PCDHA5: variants seen among roughly 807,000 people sequenced by gnomAD.
PCDHA5 encodes protocadherin alpha-5.
A neutral mutation model predicts 61.6 loss-of-function variants in PCDHA5; 43 were observed. The ratio of observed to expected loss-of-function variants is 0.70; its 90% CI spans 0.55 to 0.90. The LOEUF (loss-of-function observed/expected upper bound fraction) is 0.90. Ranked by LOEUF, PCDHA5 falls within the 40% of genes least tolerant of loss-of-function variation. The pLI is 0.00. For missense variants in PCDHA5, 1,298 were observed against 1,222.7 expected (o/e 1.06, Z -0.92); for synonymous variants, 627 against 543.9 (o/e 1.15, Z -2.13).
intron 1 of PCDHA5, among the ~76,000 whole-genome samples, chr5:140,855,328 G>C (rs1554147750): frequency 6.7e-6 from 1 of 149,766 alleles, no homozygotes; most frequent in East Asian, 1.9e-4. Context: ...GGAGGGAGAG[G>C]TTAAACGATT....
In PCDHA5 at chr5:141,010,089, G is replaced by A. The variant is rs1588251277; in HGVS notation, c.*152G>A. 3.7e-6 allele frequency: 6 copies of A among 1,612,294 alleles called. No individual in the cohort carries two copies. The highest frequency in any genetic ancestry group is 5.1e-6 in the Non-Finnish European group (6 of 1,179,138). ...AAAGTTCCCTGTGTCTGTCTAGAAC[G>A]CATTTAACAGGTTTTGTCGTAAAAG... On this transcript the variant is annotated 3_prime_UTR_variant, in exon 4 of 4. Transcript: ENST00000529859.
chr5:140,835,553 GC>G (rs1562346657), intron 1 of PCDHA5: 4 of 1,613,754 alleles, frequency 2.5e-6, no homozygotes, highest in Non-Finnish European at 3.4e-6. Flanking sequence ...GCTCCCTGAC[GC>G]CCCGCGTTCC....
rs1325743256 is a variant in PCDHA5 at position 140,849,105 on chromosome 5, G to T, written c.2352+24978G>T. 6 of 1,455,392 alleles carry T rather than the reference G, an allele frequency of 4.1e-6. No individual in the cohort carries two copies. The East Asian group carries it at 1.4e-4, about 34-fold the overall frequency. 90.2% of individuals were successfully genotyped at this position (1,455,392 alleles called of 1,614,324 possible). ...ATTACGGAAACTTTTAGACAGAGAA[G>T]AAACTCCGGAGCTTCATTTATTGCT... On this transcript the variant is annotated intron_variant, in intron 1 of 3. Coordinates refer to ENST00000529859, the MANE Select transcript of PCDHA5 (RefSeq NM_018908.3).
At chr5:140,978,907 G>A (rs782602741) in intron 1 of PCDHA5, 42 bp from the exon 2 acceptor site, 3 of 1,613,766 alleles carry the variant, frequency 1.9e-6, no homozygotes, top group South Asian at 2.2e-5. Context: ...GGAGAACATT[G>A]TCTTGTCATT....
chr5:140,835,549 T>G (rs2150237980), intron 1 of PCDHA5: 1 of 1,613,976 alleles, frequency 6.2e-7, no homozygotes, highest in Non-Finnish European at 8.5e-7. Flanking sequence ...ACCTGCTCCC[T>G]GACGCCCCGC....
chr5:140,962,269 T>A (rs1554225906), intron 1 of PCDHA5, among the ~76,000 whole-genome samples: 1 of 152,194 alleles, frequency 6.6e-6, no homozygotes, highest in Non-Finnish European at 1.5e-5. Flanking sequence ...TTTTATAATT[T>A]AAAAAACCTC....
intron 3 of PCDHA5, among the ~76,000 whole-genome samples, chr5:141,002,107 C>T (rs991036721): frequency 6.6e-6 from 1 of 152,246 alleles, no homozygotes. Context: ...GGGCCGGAAA[C>T]GGCTATAATC....
chr5:140,823,196 T>A lies in PCDHA5; in HGVS notation c.1421T>A (p.Phe474Tyr). The A allele has an allele frequency of 6.2e-7, 1 of 1,613,812 alleles. No individual in the cohort carries two copies. The highest frequency in any genetic ancestry group is 8.5e-7 in the Non-Finnish European group (1 of 1,179,814). ...KENNPPGCHI[F>Y]TVSARDADAQ... Reference sequence around the variant, plus strand: ...AACAACCCGCCAGGCTGCCACATCTTCACGGTGTCTGCACGGGACGCGGAC... The same window carrying A: ...AACAACCCGCCAGGCTGCCACATCTACACGGTGTCTGCACGGGACGCGGAC... Residue 474 changes from phenylalanine (F) to tyrosine (Y), a missense_variant, in exon 1 of 4, where the codon TTC becomes TAC. Physicochemically the swap from Phe to Tyr is conservative, Grantham distance 22 (BLOSUM62 3). Transcript: ENST00000529859.
At chr5:140,895,165 T>C (rs28385500) in intron 1 of PCDHA5, among the ~76,000 whole-genome samples, 2,119 of 152,268 alleles carry the variant, frequency 0.014, 42 homozygotes, top group African/African-American at 0.049. Context: ...CACAATCCAA[T>C]CTATTTGTAG....
intron 1 of PCDHA5, among the ~76,000 whole-genome samples, chr5:140,897,105 C>T (rs981189512): frequency 3.3e-5 from 5 of 152,062 alleles, no homozygotes; most frequent in South Asian, 2.1e-4. Flanking sequence ...TAAAAATCTC[C>T]ACTTTCTGTC....
chr5:140,828,715 C>A (rs1301928417), intron 1 of PCDHA5: 2 of 1,614,156 alleles, frequency 1.2e-6, no homozygotes, highest in Non-Finnish European at 1.7e-6. Flanking sequence ...CTCCTGCACA[C>A]AACTTATTCC....
rs199928168 is a variant in PCDHA5, at chr5:141,009,915, C to T, written c.2789C>T (p.Thr930Met). The part of the protein sequence containing the change: ...TQEKKEKGNS[T>M]TDNSDQ The stretch of plus-strand genomic sequence containing the variant: ...GAGAAAAAAGAGAAAGGGAACAGCA[C>T]GACTGACAACAGTGACCAGTGAGGT... The change falls in exon 4 of 4, where the codon ACG becomes ATG. Residue 930 changes from threonine to methionine, a missense_variant. Physicochemically the swap from Thr to Met is moderately conservative, Grantham distance 81. Coordinates refer to ENST00000529859, the MANE Select transcript of PCDHA5 (RefSeq NM_018908.3). The T allele has an allele frequency of 9.0e-4, 1,448 of 1,611,544 alleles. 2 individuals carry two copies. Among genetic ancestry groups the T allele is most frequent in the Admixed American group, 3.7e-3 (222 of 59,324 alleles).
intron 1 of PCDHA5, among the ~76,000 whole-genome samples, chr5:140,947,198 TA>T (rs1554218091): frequency 1.3e-5 from 2 of 151,312 alleles, no homozygotes; most frequent in African/African-American, 4.8e-5. Flanking sequence ...TACACAGCCT[TA>T]AAAAAAGAAA....
rs2150128189 is a variant in PCDHA5 at position 140,823,691 on chromosome 5, C to T, written c.1916C>T (p.Thr639Ile). ...AGCACAACACGCTCTCTGGATGAGA[C>T]CGAAGCACCGCGCCACCGCCTTCTG... Reference protein sequence around the residue: ...EISTTRSLDETEAPRHRLLVL... With the variant: ...EISTTRSLDEIEAPRHRLLVL... The change falls in exon 1 of 4, where the codon ACC becomes ATC. Residue 639 changes from threonine (T) to isoleucine (I), a missense_variant. Coordinates refer to ENST00000529859, the MANE Select transcript of PCDHA5 (RefSeq NM_018908.3). 1.9e-6 allele frequency: 3 copies of T among 1,613,862 alleles called. No homozygotes were observed. The highest frequency in any genetic ancestry group is 2.5e-6 in the Non-Finnish European group (3 of 1,179,962).
In PCDHA5 at chr5:140,822,264, AAATGCACAATTGAGATACAGGTTAAATCC is replaced by A; in HGVS notation, c.492_520del (p.Asn164LysfsTer5). The A allele has an allele frequency of 6.2e-7, 1 of 1,614,278 alleles. No homozygotes were observed. Among genetic ancestry groups the A allele is most frequent in the African/African-American group, 1.3e-5 (1 of 75,080 alleles). On this transcript the variant is annotated frameshift_variant, in exon 1 of 4. Coordinates refer to ENST00000529859, the MANE Select transcript of PCDHA5 (RefSeq NM_018908.3). LOFTEE classifies it high-confidence loss of function. ...GCGCGTCGGATTTGGATATTGGAGC[AAATGCACAATTGAGATACAGGTTAAATCC>A]AAACGAATATTTTGACTTAGATGTT...
At chr5:140,928,201 G>C in intron 1 of PCDHA5, 1 of 1,614,242 alleles carries the variant, frequency 6.2e-7, no homozygotes, top group Non-Finnish European at 8.5e-7. Context: ...GTCAGTTGCT[G>C]ATGTGAATGA....
chr5:140,996,557 T>C (rs1200836194), intron 3 of PCDHA5, among the ~76,000 whole-genome samples: 3 of 152,226 alleles, frequency 2.0e-5, no homozygotes, highest in Admixed American at 6.5e-5. Context: ...GTCACTATCT[T>C]GAAGTTCTTG....
At position 141,009,800 on chromosome 5, in the gene PCDHA5, A is replaced by G. The variant is rs148436868; in HGVS notation, c.2674A>G (p.Ser892Gly). The stretch of plus-strand genomic sequence containing the variant: ...CTCCATCCGGCAGGAGCCTACTAAC[A>G]GCCAAATTGACAAAAGTGACTTCAT... ...IISIRQEPTN[S>G]QIDKSDFITF... The change falls in exon 4 of 4, where the codon AGC (serine) becomes GGC (glycine). Residue 892 changes from serine to glycine, a missense_variant. By Grantham distance (56) the Ser-to-Gly change is moderately conservative (BLOSUM62 0). Coordinates refer to ENST00000529859, the MANE Select transcript of PCDHA5 (RefSeq NM_018908.3). 1.2e-4 allele frequency: 190 copies of G among 1,614,158 alleles called. No individual in the cohort carries two copies. In the African/African-American group the frequency reaches 2.3e-3, roughly 19 times the overall value.
chr5:140,848,614 A>G (rs2150414883), intron 1 of PCDHA5: 3 of 1,593,564 alleles, frequency 1.9e-6, no homozygotes, highest in African/African-American at 1.3e-5. Flanking sequence ...GAGGAAGCCG[A>G]ACACGGCACC....
Sources: allele counts gnomAD v4.1 joint callset (sites outside exome capture counted in the v4.1 genomes callset), GRCh38; gene constraint gnomAD v4.1.1; transcripts MANE v1.5; gene names NCBI Gene and HGNC (gene_info 2026-07-23, HGNC 2026-07-21).